Variants in GLIS1 observed in about 807,000 individuals in gnomAD.
GLIS1 encodes zinc finger protein GLIS1.
Under a neutral mutation model 63.8 loss-of-function variants are expected in GLIS1, and 24 were observed. The ratio of observed to expected loss-of-function variants is 0.38; its 90% CI spans 0.27 to 0.53. The LOEUF (loss-of-function observed/expected upper bound fraction) is 0.53. Ranked by LOEUF, GLIS1 falls within the 20% of genes least tolerant of loss-of-function variation. The pLI, the probability that GLIS1 is intolerant of heterozygous loss-of-function variation, is 0.85. For synonymous variants in GLIS1, 450 were observed against 482.5 expected, an observed-to-expected ratio of 0.93 and a Z score of 0.88; for missense variants, 1,036 against 1,074.1, an observed-to-expected ratio of 0.96 and a Z score of 0.50.
chr1:53,739,068 C>T (rs1033542154), intron 1 of GLIS1, among the ~76,000 whole-genome samples, 37 bp downstream of exon 1: 6 of 151,978 alleles, frequency 3.9e-5, no homozygotes, highest in African/African-American at 1.4e-4. Flanking sequence ...GCCCCGCACA[C>T]GCCCCTCCCT....
chr1:53,663,435 G>A (rs1169185973), intron 2 of GLIS1, among the ~76,000 whole-genome samples: 2 of 152,188 alleles, frequency 1.3e-5, no homozygotes. Context: ...AGCACTTTCC[G>A]TGAGTTATCT....
chr1:53,692,966 C>T (rs1348723409), intron 2 of GLIS1, among the ~76,000 whole-genome samples: 1 of 152,198 alleles, frequency 6.6e-6, no homozygotes, highest in Non-Finnish European at 1.5e-5. Context: ...GGAAGCACCT[C>T]CAGAGCCCTT....
At chr1:53,613,207 C>A (rs1403764274) in intron 2 of GLIS1, among the ~76,000 whole-genome samples, 2 of 152,138 alleles carry the variant, frequency 1.3e-5, no homozygotes, top group African/African-American at 2.4e-5. Flanking sequence ...TGCAAAAATC[C>A]CCTTTTAACA....
chr1:53,669,383 C>T (rs956851227), intron 2 of GLIS1, among the ~76,000 whole-genome samples: 4 of 152,162 alleles, frequency 2.6e-5, no homozygotes, highest in African/African-American at 9.7e-5. Context: ...AACACAGGGC[C>T]TGGATCCCAG....
chr1:53,508,310 T>A (rs1450986777), intron 10 of GLIS1, among the ~76,000 whole-genome samples: 1 of 152,144 alleles, frequency 6.6e-6, no homozygotes, highest in African/African-American at 2.4e-5. Flanking sequence ...CACAGGGTGG[T>A]ATGTGCCCGG....
At position 53,716,402 on chromosome 1, in the gene GLIS1, A is replaced by AGTAGATCTGACATCCTC. The variant is rs1160452836; in HGVS notation, c.259+21387_259+21403dup. Among the ~76,000 whole-genome samples, 4 of 152,314 alleles carry AGTAGATCTGACATCCTC rather than the reference A, an allele frequency of 2.6e-5. No homozygotes were observed. The East Asian group carries it at 7.7e-4, about 29-fold the overall frequency. ...GACCAGTTGGGGAAAGGGGAGGGTC[A>AGTAGATCTGACATCCTC]GTAGATCTGACATCCTCGTATGGCC... On this transcript the variant is annotated intron_variant, in intron 2 of 10. Coordinates refer to ENST00000628545, the MANE Select transcript of GLIS1 (RefSeq NM_001367484.1).
At chr1:53,693,057 G>T (rs944114639) in intron 2 of GLIS1, among the ~76,000 whole-genome samples, 4 of 152,198 alleles carry the variant, frequency 2.6e-5, no homozygotes, top group Admixed American at 6.5e-5. Context: ...ACAGTGTGAG[G>T]GTGCTTCGTC....
chr1:53,514,227 G>A lies in GLIS1; in HGVS notation c.1883+398C>T, dbSNP rs566930140. 1.1e-3 allele frequency among the ~76,000 whole-genome samples: 164 copies of A among 152,304 alleles called. 2 individuals carry two copies. The highest frequency in any genetic ancestry group is 3.7e-3 in the African/African-American group (154 of 41,570). The stretch of plus-strand genomic sequence containing the variant: ...CCAGACCAGCGTCTGTGGAGTGCGC[G>A]CAGTGGGCAGTCTGCTCCCAAATGC... On this transcript the variant is annotated intron_variant, in intron 8 of 10. Coordinates refer to ENST00000628545, the MANE Select transcript of GLIS1 (RefSeq NM_001367484.1).
At chr1:53,519,728 C>T (rs1284467083) in intron 7 of GLIS1, among the ~76,000 whole-genome samples, 2 of 152,124 alleles carry the variant, frequency 1.3e-5, no homozygotes, top group Non-Finnish European at 2.9e-5. Context: ...TGGAGGGGCC[C>T]GCAGAGTCCC....
chr1:53,601,267 G>A (rs1462513301), intron 2 of GLIS1, among the ~76,000 whole-genome samples: 1 of 152,170 alleles, frequency 6.6e-6, no homozygotes, highest in Non-Finnish European at 1.5e-5. Flanking sequence ...GTGATGCTGT[G>A]AGCCTCTGAG....
Position 53,715,049 on chromosome 1 carries a change from A to T in GLIS1, c.259+22757T>A, listed in dbSNP as rs141227372. ...CTCCTGCCTCAGCCTCCCAAGTATT[A>T]GGGACTACAGGTGCATGCCACCAGG... On this transcript the variant is annotated intron_variant, in intron 2 of 10. Coordinates refer to ENST00000628545, the MANE Select transcript of GLIS1 (RefSeq NM_001367484.1). Among the ~76,000 whole-genome samples the T allele has an allele frequency of 9.2e-5, 14 of 152,198 alleles. 1 individual carries two copies. In the South Asian group the frequency reaches 1.7e-3, roughly 18 times the overall value.
chr1:53,525,023 G>A (rs1365045253), intron 5 of GLIS1, 136 bp from the exon 6 acceptor site: 9 of 661,012 alleles, frequency 1.4e-5, no homozygotes, highest in Admixed American at 5.6e-5. Flanking sequence ...CAGCCAGCCC[G>A]GCCCAGCTGT....
chr1:53,530,012 AAACT>A (rs928277053), intron 4 of GLIS1, 60 bp from the exon 5 acceptor site: 48 of 1,535,480 alleles, frequency 3.1e-5, no homozygotes, highest in Non-Finnish European at 3.5e-5. Flanking sequence ...CCCTGCATGG[AAACT>A]AACCCCCCAG....
intron 4 of GLIS1, among the ~76,000 whole-genome samples, chr1:53,540,780 C>A (rs1297879470): frequency 6.6e-6 from 1 of 152,216 alleles, no homozygotes; most frequent in African/African-American, 2.4e-5. Context: ...GTGACAGACG[C>A]ATCCATGCCC....
At chr1:53,691,480 C>T (rs1347398953) in intron 2 of GLIS1, among the ~76,000 whole-genome samples, 1 of 152,186 alleles carries the variant, frequency 6.6e-6, no homozygotes, top group African/African-American at 2.4e-5. Context: ...ATGATGAGGA[C>T]CCCGGGCCCA....
At chr1:53,668,100 CT>C (rs1396623040) in intron 2 of GLIS1, among the ~76,000 whole-genome samples, 1 of 152,224 alleles carries the variant, frequency 6.6e-6, no homozygotes, top group Non-Finnish European at 1.5e-5. Flanking sequence ...CAATAATCCA[CT>C]CCTCCAATTA....
At chr1:53,580,406 T>C (rs1311255745) in intron 4 of GLIS1, among the ~76,000 whole-genome samples, 1 of 152,140 alleles carries the variant, frequency 6.6e-6, no homozygotes, top group Non-Finnish European at 1.5e-5. Flanking sequence ...ATTCTTGATT[T>C]AGCAAAACCT....
chr1:53,508,803 G>A (rs191040366), intron 10 of GLIS1, among the ~76,000 whole-genome samples: 6 of 152,336 alleles, frequency 3.9e-5, no homozygotes, highest in Non-Finnish European at 5.9e-5. Context: ...CTGGCACACA[G>A]TAGGTGCTCA....
At chr1:53,520,812 G>T in intron 6 of GLIS1, 46 bp from the exon 7 acceptor site, 1 of 1,549,900 alleles carries the variant, frequency 6.5e-7, no homozygotes. Context: ...TGAGACCCCT[G>T]CCCACCAGCA....
Sources: allele counts gnomAD v4.1 joint callset (sites outside exome capture counted in the v4.1 genomes callset), GRCh38; gene constraint gnomAD v4.1.1; transcripts MANE v1.5; gene names NCBI Gene and HGNC (gene_info 2026-07-23, HGNC 2026-07-21).